The following SIRPA variants were observed in gnomAD, a reference collection of about 807,000 sequenced individuals.
The protein encoded by SIRPA is signal regulatory protein alpha.
A neutral mutation model predicts 50.3 loss-of-function variants in SIRPA; 9 were observed. The ratio of observed to expected loss-of-function variants is 0.18; its 90% CI spans 0.11 to 0.31. SIRPA has a LOEUF of 0.31. SIRPA is among the 10% of genes least tolerant of loss of function. The probability of loss-of-function intolerance (pLI) is 1.00; values close to 1 mark genes in which losing one functional copy is unlikely to be tolerated. For missense variants in SIRPA, 474 were observed against 661.6 expected (o/e 0.72, Z 3.11); for synonymous variants, 265 against 284.1 (o/e 0.93, Z 0.68).
chr20:1,936,385 C>T lies in SIRPA; in HGVS notation c.1267-935C>T, dbSNP rs544539670. On this transcript the variant is annotated intron_variant, in intron 7 of 7. Transcript: ENST00000358771. This position sits in a 1 kb window ranked among gnomAD's most constrained non-coding sequence, Gnocchi z 4.2. ...TCTAAACGCTTTACCTGGATAATCT[C>T]ATTCCATCCTCACAGCAACCCTGGC... Among the ~76,000 whole-genome samples, 9 of 152,204 alleles carry T rather than the reference C, an allele frequency of 5.9e-5. No individual in the cohort carries two copies. Among genetic ancestry groups the T allele is most frequent in the Non-Finnish European group, 1.2e-4 (8 of 68,040 alleles).
At chr20:1,930,854 T>C (rs908403185) in intron 6 of SIRPA, among the ~76,000 whole-genome samples, 1 of 152,204 alleles carries the variant, frequency 6.6e-6, no homozygotes, top group Non-Finnish European at 1.5e-5. Flanking sequence ...CCTCCCAAAG[T>C]GCTGGAATTA....
intron 5 of SIRPA, among the ~76,000 whole-genome samples, chr20:1,925,255 A>AT (rs1210722104): frequency 6.6e-6 from 1 of 152,226 alleles, no homozygotes; most frequent in African/African-American, 2.4e-5. Context: ...TCTAGGTTAC[A>AT]TGACCAGTCC....
rs1985206848 is a variant in SIRPA, at chr20:1,915,391, C to A, written c.372C>A (p.Phe124Leu). 6.3e-7 allele frequency: 1 copy of A among 1,595,218 alleles called. No individual in the cohort carries two copies. The highest frequency in any genetic ancestry group is 1.4e-5 in the African/African-American group (1 of 71,432). ...ADAGTYYCVK[F>L]RKGSPDDVEF... ...CCGGCACCTACTACTGTGTGAAGTT[C>A]CGGAAAGGGAGCCCCGATGACGTGG... The change falls in exon 2 of 8, where the codon TTC becomes TTA. Residue 124 changes from phenylalanine (F) to leucine (L), a missense_variant. Around this residue, in one of 4 missense-constraint regions of SIRPA, gnomAD observed 221 missense variants for 359.9 expected, o/e 0.61. Transcript: ENST00000358771.
rs543524189 is a variant in SIRPA, at chr20:1,939,080, G to A, written c.*1512G>A. 10 of 152,740 alleles carry A rather than the reference G, an allele frequency of 6.5e-5. No individual in the cohort carries two copies. Among genetic ancestry groups the A allele is most frequent in the African/African-American group, 2.4e-4 (10 of 41,560 alleles). 9.5% of individuals were successfully genotyped at this position (152,740 alleles called of 1,614,324 possible). A position where few individuals can be genotyped will look rare whatever the true frequency, so the allele number is the denominator to read the frequency against. On this transcript the variant is annotated 3_prime_UTR_variant, in exon 8 of 8. Coordinates refer to ENST00000358771, the MANE Select transcript of SIRPA (RefSeq NM_001040023.2). This position sits in a 1 kb window ranked among gnomAD's most constrained non-coding sequence, Gnocchi z 4.7. ...CTCTGTCCCAGAAGGTTGGCCAGAG[G>A]GTGTGACCCAGTTACCCTTTAACCC...
intron 1 of SIRPA, among the ~76,000 whole-genome samples, chr20:1,897,061 G>A (rs1295720999): frequency 1.3e-5 from 2 of 152,214 alleles, no homozygotes; most frequent in African/African-American, 2.4e-5. Flanking sequence ...TCTCCGACCA[G>A]GAGGCTGTGG....
chr20:1,901,178 T>C (rs1449663058), intron 1 of SIRPA, among the ~76,000 whole-genome samples: 107 of 139,018 alleles, frequency 7.7e-4, no homozygotes, highest in African/African-American at 2.7e-3. Context: ...TTTTTTTTTT[T>C]TTTTTTTTTT....
At position 1,898,628 on chromosome 20, in the gene SIRPA, C is replaced by A. The variant is rs1367668741; in HGVS notation, c.79+3102C>A. On this transcript the variant is annotated intron_variant, in intron 1 of 7. Coordinates refer to ENST00000358771, the MANE Select transcript of SIRPA (RefSeq NM_001040023.2). This position sits in a 1 kb window ranked among gnomAD's most constrained non-coding sequence, Gnocchi z 4.3. ...AGGAGCCAGGATTTTGGATGCTGGC[C>A]TTCCTGCTGGGTGGCTTCTAGGGAA... Among the ~76,000 whole-genome samples, 1 of 152,054 alleles carries A rather than the reference C, an allele frequency of 6.6e-6. No homozygotes were observed. The highest frequency in any genetic ancestry group is 1.5e-5 in the Non-Finnish European group (1 of 68,030).
intron 6 of SIRPA, among the ~76,000 whole-genome samples, chr20:1,929,987 C>G (rs866366160): frequency 1.4e-4 from 22 of 152,132 alleles, no homozygotes; most frequent in African/African-American, 3.4e-4. Flanking sequence ...TGTGCTCCCC[C>G]CTTCCCTCCT....
intron 5 of SIRPA, among the ~76,000 whole-genome samples, chr20:1,926,337 C>T (rs569922399): frequency 2.0e-5 from 3 of 152,268 alleles, no homozygotes; most frequent in South Asian, 2.1e-4. Flanking sequence ...GGGTGACAGC[C>T]CATCCCATGG....
chr20:1,901,926 G>A (rs1187622265), intron 1 of SIRPA, among the ~76,000 whole-genome samples: 2 of 152,142 alleles, frequency 1.3e-5, no homozygotes, highest in Non-Finnish European at 2.9e-5. Flanking sequence ...TACCAGCGCC[G>A]TTTCTACAGC....
intron 3 of SIRPA, 54 bp downstream of exon 3, chr20:1,921,766 C>A (rs1228422957): frequency 3.7e-6 from 6 of 1,608,634 alleles, no homozygotes; most frequent in East Asian, 2.2e-5. Context: ...GCCCACCCCC[C>A]ACCACCCTCC....
intron 2 of SIRPA, among the ~76,000 whole-genome samples, 190 bp from the exon 3 acceptor site, chr20:1,921,205 G>A (rs1260531052): frequency 6.6e-6 from 1 of 152,112 alleles, no homozygotes; most frequent in Non-Finnish European, 1.5e-5. Context: ...ACCTCACATG[G>A]GTCCTCACCT....
Position 1,915,359 on chromosome 20 carries a change from G to T in SIRPA, c.340G>T (p.Ala114Ser). 1 of 1,612,216 alleles carries T rather than the reference G, an allele frequency of 6.2e-7. No individual in the cohort carries two copies. Among genetic ancestry groups the T allele is most frequent in the Non-Finnish European group, 8.5e-7 (1 of 1,179,434 alleles). Residue 114 changes from alanine (A) to serine (S), a missense_variant, in exon 2 of 8, where the codon GCA becomes TCA. Ala to Ser is a moderately conservative substitution (Grantham distance 99). Coordinates refer to ENST00000358771, the MANE Select transcript of SIRPA (RefSeq NM_001040023.2). ...FSIRIGNITP[A>S]DAGTYYCVKF... is the part of the protein sequence containing the mutation. ...CATCCGCATCGGTAACATCACCCCA[G>T]CAGATGCCGGCACCTACTACTGTGT...
At position 1,928,190 on chromosome 20, in the gene SIRPA, G is replaced by A. The variant is rs1449890323; in HGVS notation, c.1226+291G>A. 6.6e-6 allele frequency among the ~76,000 whole-genome samples: 1 copy of A among 152,154 alleles called. No individual in the cohort carries two copies. Among genetic ancestry groups the A allele is most frequent in the African/African-American group, 2.4e-5 (1 of 41,418 alleles). On this transcript the variant is annotated intron_variant, in intron 6 of 7. Transcript: ENST00000358771. This position sits in a 1 kb window ranked among gnomAD's most constrained non-coding sequence, Gnocchi z 4.9. ...GGGGCAGAGACCTCCCGGGCTTTCT[G>A]TCCTCACAGACATCCTGCACACGCC...
chr20:1,918,077 A>G (rs1372047777), intron 2 of SIRPA, among the ~76,000 whole-genome samples: 1 of 152,220 alleles, frequency 6.6e-6, no homozygotes, highest in Non-Finnish European at 1.5e-5. Flanking sequence ...CAGTTTCCTC[A>G]TCTGTAGAAT....
At position 1,922,482 on chromosome 20, in the gene SIRPA, T is replaced by G; in HGVS notation, c.924T>G (p.Gly308=). 1 of 1,614,200 alleles carries G rather than the reference T, an allele frequency of 6.2e-7. No homozygotes were observed. The highest frequency in any genetic ancestry group is 1.1e-5 in the South Asian group (1 of 91,084). Residue 308 remains glycine (G), a synonymous_variant, in exon 4 of 8, where the codon GGT becomes GGG. Coordinates refer to ENST00000358771, the MANE Select transcript of SIRPA (RefSeq NM_001040023.2). The stretch of plus-strand genomic sequence containing the variant: ...CAACCGTTACAGAGAACAAGGATGG[T>G]ACCTACAACTGGATGAGCTGGCTCC... ...TASTVTENKD[G]TYNWMSWLLV... is the part of the protein sequence containing the mutation.
At position 1,914,796 on chromosome 20, in the gene SIRPA, C is replaced by A. The variant is rs1985128538; in HGVS notation, c.80-303C>A. 2.0e-5 allele frequency among the ~76,000 whole-genome samples: 3 copies of A among 147,478 alleles called. No individual in the cohort carries two copies. The East Asian group carries it at 6.4e-4, about 31-fold the overall frequency. ...CCCTCTGTCTGGAATACCAGGCTCC[C>A]TTCTGGCTCATTCAGATTAGAATTA... is the stretch of plus-strand genomic sequence containing the variant. On this transcript the variant is annotated intron_variant, in intron 1 of 7. Transcript: ENST00000358771.
rs1428266063 is a variant in SIRPA at position 1,932,211 on chromosome 20, C to T, written c.1227-2504C>T. On this transcript the variant is annotated intron_variant, in intron 6 of 7. Coordinates refer to ENST00000358771, the MANE Select transcript of SIRPA (RefSeq NM_001040023.2). The surrounding 1 kb of genome is among the most constrained non-coding windows in gnomAD (Gnocchi z 6.0). ...CAGTGTCCGCTGAGGAGACAGGTTACCAGACAAGCTGGAAAGTTAATAAGG... is the reference window on the plus strand; with the variant it reads ...CAGTGTCCGCTGAGGAGACAGGTTATCAGACAAGCTGGAAAGTTAATAAGG... 6.6e-6 allele frequency among the ~76,000 whole-genome samples: 1 copy of T among 152,154 alleles called. No homozygotes were observed. Among genetic ancestry groups the T allele is most frequent in the Non-Finnish European group, 1.5e-5 (1 of 68,040 alleles).
chr20:1,915,268 A>G lies in SIRPA; in HGVS notation c.249A>G (p.Lys83=), dbSNP rs1365195446. The change falls in exon 2 of 8, where the codon AAA becomes AAG. Residue 83 remains lysine, a synonymous_variant. Transcript: ENST00000358771. ...GCCGGGAATTAATCTACAATCAAAA[A>G]GAAGGCCACTTCCCCCGGGTAACAA... is the stretch of plus-strand genomic sequence containing the variant. ...GPGRELIYNQ[K]EGHFPRVTTV... is the part of the protein sequence containing the mutation. 1 of 1,613,280 alleles carries G rather than the reference A, an allele frequency of 6.2e-7. No homozygotes were observed. The highest frequency in any genetic ancestry group is 8.5e-7 in the Non-Finnish European group (1 of 1,179,818).
Sources: allele counts gnomAD v4.1 joint callset (sites outside exome capture counted in the v4.1 genomes callset), GRCh38; gene constraint gnomAD v4.1.1; regional missense constraint gnomAD v4.1.1; non-coding constraint Gnocchi (gnomAD v3.1); transcripts MANE v1.5; gene names NCBI Gene and HGNC (gene_info 2026-07-23, HGNC 2026-07-21).